Variants in DIAPH2 observed in about 807,000 individuals in gnomAD.
DIAPH2 encodes the protein diaphanous related formin 2.
In DIAPH2, 35 loss-of-function variants were observed where a neutral mutation model predicts 92.7. The observed-to-expected ratio is 0.38, with a 90% CI of 0.29 to 0.50. The LOEUF is 0.50. Among genes scored for constraint, DIAPH2 ranks in the 20% least tolerant of loss-of-function variants. DIAPH2 has a pLI of 0.94. For synonymous variants in DIAPH2, 301 were observed against 280.4 expected (o/e 1.07, Z -0.73); for missense variants, 701 against 819.5 (o/e 0.86, Z 1.77).
rs967009860 is a variant in DIAPH2 at position 97,294,953 on chromosome X, AACGCTTTAAC to A, written c.2844+47116_2844+47125del. ...CTTCACTAGTCCCAAAACTTTAATC[AACGCTTTAAC>A]ATGCAGGACTATTAGCTTTATGTCT... On this transcript the variant is annotated intron_variant, in intron 23 of 26. Transcript: ENST00000324765. Among the ~76,000 whole-genome samples the A allele has an allele frequency of 2.7e-5, 3 of 111,129 alleles. No homozygotes were observed. The Admixed American group carries it at 2.9e-4, about 11-fold the overall frequency.
intron 23 of DIAPH2, among the ~76,000 whole-genome samples, chrX:97,263,528 G>T (rs1170462401): frequency 1.8e-5 from 2 of 109,611 alleles, no homozygotes; most frequent in Non-Finnish European, 3.8e-5. Flanking sequence ...TATAGCTTAT[G>T]GACCTTTGTA....
At chrX:96,814,771 C>G in intron 4 of DIAPH2, among the ~76,000 whole-genome samples, 1 of 111,986 alleles carries the variant, frequency 8.9e-6, no homozygotes, top group Non-Finnish European at 1.9e-5. Flanking sequence ...AGTTTTCCTT[C>G]TAACAGTCAG....
intron 22 of DIAPH2, among the ~76,000 whole-genome samples, chrX:97,156,608 C>G (rs999593807): frequency 9.0e-6 from 1 of 111,484 alleles, no homozygotes; most frequent in Non-Finnish European, 1.9e-5. Flanking sequence ...AGCAGTGAGA[C>G]TAGAAAGGAG....
At chrX:97,509,630 G>C (rs1219007625) in intron 26 of DIAPH2, among the ~76,000 whole-genome samples, 6 of 106,023 alleles carry the variant, frequency 5.7e-5, no homozygotes, top group African/African-American at 2.1e-4. Flanking sequence ...TTAGCATTAG[G>C]TGTATCTCCT....
intron 4 of DIAPH2, among the ~76,000 whole-genome samples, chrX:96,825,362 T>C (rs1250076804): frequency 5.5e-5 from 6 of 108,456 alleles, no homozygotes; most frequent in African/African-American, 1.3e-4. Context: ...TTCTTTTTTT[T>C]TTTTTTTTTT....
At chrX:96,985,895 C>T (rs892057142) in intron 17 of DIAPH2, among the ~76,000 whole-genome samples, 1 of 110,881 alleles carries the variant, frequency 9.0e-6, no homozygotes, top group Non-Finnish European at 1.9e-5. Context: ...TTTCAAACAT[C>T]TCCTAAGAGG....
At chrX:97,474,236 A>G (rs922758288) in intron 26 of DIAPH2, among the ~76,000 whole-genome samples, 2 of 111,825 alleles carry the variant, frequency 1.8e-5, no homozygotes, top group African/African-American at 6.5e-5. Context: ...TTGTCTTATG[A>G]CTCTATTCTA....
At chrX:97,572,850 G>A (rs1472751502) in intron 26 of DIAPH2, among the ~76,000 whole-genome samples, 3 of 111,602 alleles carry the variant, frequency 2.7e-5, no homozygotes, top group Non-Finnish European at 3.8e-5. Flanking sequence ...GAGTGTTCCA[G>A]GGAAAGAGTA....
At chrX:97,002,134 T>C (rs752528873) in intron 17 of DIAPH2, among the ~76,000 whole-genome samples, 16 of 110,975 alleles carry the variant, frequency 1.4e-4, no homozygotes, top group Admixed American at 1.2e-3. Context: ...TCAAATCTAA[T>C]CCGTGTATCT....
At chrX:97,460,455 T>A (rs748223240) in intron 26 of DIAPH2, among the ~76,000 whole-genome samples, 1 of 112,165 alleles carries the variant, frequency 8.9e-6, no homozygotes, top group African/African-American at 3.2e-5. Flanking sequence ...AATAAATAAA[T>A]AAATCTTCAG....
intron 22 of DIAPH2, among the ~76,000 whole-genome samples, chrX:97,242,366 C>CT (rs1169497015): frequency 0.012 from 1,283 of 103,527 alleles, 27 homozygotes; most frequent in African/African-American, 0.04. Context: ...CTAAGCAGCT[C>CT]TTTTTTTTTT....
At chrX:97,373,036 A>T (rs1161573268) in intron 24 of DIAPH2, among the ~76,000 whole-genome samples, 1 of 111,708 alleles carries the variant, frequency 9.0e-6, no homozygotes. Flanking sequence ...CAAGTATCTC[A>T]TTCAAAACAA....
chrX:97,092,950 G>A (rs1041297884), intron 19 of DIAPH2, among the ~76,000 whole-genome samples: 1 of 110,830 alleles, frequency 9.0e-6, no homozygotes, highest in African/African-American at 3.3e-5. Context: ...CTTGGGAGGT[G>A]GAGGCAGGAG....
intron 17 of DIAPH2, among the ~76,000 whole-genome samples, chrX:97,064,864 A>G (rs1390077686): frequency 2.7e-5 from 3 of 111,162 alleles, no homozygotes; most frequent in Admixed American, 1.9e-4. Flanking sequence ...AAAGTCCTAC[A>G]TTGTCAATTT....
intron 5 of DIAPH2, chrX:96,885,449 C>CAAAAAAAAAAAAAAAA (rs60706314): frequency 2.9e-5 from 1 of 34,256 alleles, no homozygotes; most frequent in African/African-American, 1.2e-4. Context: ...AGCGAAAAGA[C>CAAAAAAAAAAAAAAAA]AAAAAAAAAA....
At chrX:96,870,406 C>T (rs1031182405) in intron 4 of DIAPH2, among the ~76,000 whole-genome samples, 15 of 106,631 alleles carry the variant, frequency 1.4e-4, no homozygotes, top group East Asian at 2.9e-4. Flanking sequence ...GGACTACAGA[C>T]GCCCATCACC....
chrX:97,077,586 A>G (rs757860434), intron 19 of DIAPH2, among the ~76,000 whole-genome samples: 1 of 112,205 alleles, frequency 8.9e-6, no homozygotes, highest in African/African-American at 3.2e-5. Context: ...AATTAACAGT[A>G]GTAGTATTTT....
intron 4 of DIAPH2, among the ~76,000 whole-genome samples, chrX:96,839,908 A>G (rs979614675): frequency 4.1e-4 from 46 of 112,219 alleles, no homozygotes; most frequent in Admixed American, 9.5e-5. Flanking sequence ...AAGGAATGTA[A>G]AAATTTCATC....
intron 4 of DIAPH2, among the ~76,000 whole-genome samples, chrX:96,875,312 A>T (rs749291544): frequency 1.8e-5 from 2 of 112,041 alleles, no homozygotes; most frequent in East Asian, 5.6e-4. Context: ...TTGTTCTGTG[A>T]TGGTCTAAGA....
Sources: gnomAD v4.1 joint callset for allele counts (sites outside exome capture counted in the v4.1 genomes callset) on GRCh38, gnomAD v4.1.1 for gene constraint, MANE v1.5 for transcripts, NCBI Gene and HGNC (gene_info 2026-07-23, HGNC 2026-07-21) for gene names.